TANC2: variants seen among roughly 807,000 people sequenced by gnomAD.
The protein encoded by TANC2 is tetratricopeptide repeat, ankyrin repeat and coiled-coil containing 2, also known as protein TANC2.
In TANC2, 26 loss-of-function variants were observed where a neutral mutation model predicts 210.5. The observed-to-expected ratio is 0.12, with a 90% CI of 0.09 to 0.17. The LOEUF is 0.17. Among genes scored for constraint, TANC2 ranks in the 10% least tolerant of loss-of-function variants. TANC2 has a pLI of 1.00. For missense variants in TANC2, 2,129 were observed against 2,608.9 expected (o/e 0.82, Z 4.01); for synonymous variants, 931 against 967.1 (o/e 0.96, Z 0.69).
At chr17:63,064,428 C>T (rs76192635) in intron 2 of TANC2, among the ~76,000 whole-genome samples, 4,494 of 152,216 alleles carry the variant, frequency 0.03, 83 homozygotes, top group South Asian at 0.037. Context: ...CACTGTATTC[C>T]GTTGTGGGTG....
chr17:63,097,145 A>G (rs982262468), intron 3 of TANC2, among the ~76,000 whole-genome samples: 2 of 151,430 alleles, frequency 1.3e-5, no homozygotes, highest in Non-Finnish European at 2.9e-5. Flanking sequence ...GGCGCAAGTG[A>G]TCCTCCCACT....
At chr17:63,149,434 G>A (rs1279911053) in intron 4 of TANC2, 1 of 151,754 alleles carries the variant, frequency 6.6e-6, no homozygotes, top group African/African-American at 2.4e-5. Context: ...CTGTCTACTA[G>A]CCCTAAATTT....
intron 14 of TANC2, among the ~76,000 whole-genome samples, chr17:63,356,057 G>T (rs1335257868): frequency 2.0e-5 from 3 of 151,974 alleles, no homozygotes; most frequent in Non-Finnish European, 4.4e-5. Context: ...CCAGAATAGG[G>T]ATCACAAGTG....
At chr17:63,374,520 T>C (rs2047368831) in intron 14 of TANC2, among the ~76,000 whole-genome samples, 2 of 152,044 alleles carry the variant, frequency 1.3e-5, no homozygotes, top group South Asian at 4.2e-4. Flanking sequence ...GTGTACCAGG[T>C]ACAACAGGAA....
At chr17:63,020,985 C>T (rs1272448626) in intron 2 of TANC2, among the ~76,000 whole-genome samples, 2 of 152,122 alleles carry the variant, frequency 1.3e-5, no homozygotes, top group African/African-American at 4.8e-5. Flanking sequence ...AGAACTCCCT[C>T]ATTACCATGG....
chr17:63,288,724 G>T (rs537567236), intron 9 of TANC2, among the ~76,000 whole-genome samples: 1 of 151,780 alleles, frequency 6.6e-6, no homozygotes, highest in East Asian at 1.9e-4. Context: ...TTATCTGTTA[G>T]ATCAATTCAG....
At chr17:63,024,518 T>G (rs1189034552) in intron 2 of TANC2, among the ~76,000 whole-genome samples, 1 of 152,178 alleles carries the variant, frequency 6.6e-6, no homozygotes, top group Non-Finnish European at 1.5e-5. Flanking sequence ...AGCATGGTCT[T>G]TACGACCTGT....
intron 4 of TANC2, among the ~76,000 whole-genome samples, chr17:63,109,448 T>A (rs945334455): frequency 1.3e-5 from 2 of 151,590 alleles, no homozygotes; most frequent in East Asian, 3.9e-4. Context: ...AAACCTTGAA[T>A]GAGATGGAAG....
chr17:63,418,242 A>T lies in TANC2; in HGVS notation c.4168-65A>T. ...AAAAAATGTACAAATAATTTGTTTT[A>T]TTCCCAAGTTGTCTATTTTTTATAT... is the stretch of plus-strand genomic sequence containing the variant. On this transcript the variant is annotated intron_variant, in intron 26 of 27. Transcript: ENST00000689528. This position sits in a 1 kb window ranked among gnomAD's most constrained non-coding sequence, Gnocchi z 4.6. The T allele has an allele frequency of 1.4e-6, 2 of 1,469,890 alleles. No homozygotes were observed. The highest frequency in any genetic ancestry group is 1.9e-6 in the Non-Finnish European group (2 of 1,071,180). 91.1% of individuals were successfully genotyped at this position (1,469,890 alleles called of 1,614,324 possible). A position where few individuals can be genotyped will look rare whatever the true frequency, so the allele number is the denominator to read the frequency against.
At chr17:63,301,923 A>C (rs1179017411) in intron 9 of TANC2, among the ~76,000 whole-genome samples, 1 of 152,194 alleles carries the variant, frequency 6.6e-6, no homozygotes, top group Non-Finnish European at 1.5e-5. Flanking sequence ...TTAGTGCTAT[A>C]AATTTCCCTC....
chr17:63,164,302 C>T (rs971118973), intron 5 of TANC2, among the ~76,000 whole-genome samples: 3 of 151,850 alleles, frequency 2.0e-5, no homozygotes, highest in African/African-American at 7.3e-5. Context: ...GCCTAGCCAG[C>T]ATCAAAATCT....
At chr17:63,007,683 C>G (rs535366594) in intron 1 of TANC2, among the ~76,000 whole-genome samples, 1 of 152,172 alleles carries the variant, frequency 6.6e-6, no homozygotes, top group Admixed American at 6.5e-5. Context: ...TTGGGTAATA[C>G]AGATATCTTA....
intron 7 of TANC2, among the ~76,000 whole-genome samples, chr17:63,221,278 A>T (rs886179338): frequency 6.6e-5 from 10 of 151,930 alleles, no homozygotes; most frequent in East Asian, 5.8e-4. Flanking sequence ...TAAAAAAAAT[A>T]AAAAAATTAG....
chr17:63,164,640 T>C (rs1024064134), intron 5 of TANC2, among the ~76,000 whole-genome samples: 1 of 152,154 alleles, frequency 6.6e-6, no homozygotes, highest in Non-Finnish European at 1.5e-5. Context: ...CCAGGAAAGC[T>C]GGTGGTATAG....
chr17:63,101,400 C>A (rs960173390), intron 4 of TANC2, among the ~76,000 whole-genome samples: 2 of 152,120 alleles, frequency 1.3e-5, no homozygotes, highest in African/African-American at 4.8e-5. Context: ...CTTTCAAGTG[C>A]CTTGTATGTA....
intron 3 of TANC2, among the ~76,000 whole-genome samples, chr17:63,092,286 C>G (rs2037226794): frequency 6.6e-6 from 1 of 152,104 alleles, no homozygotes. Flanking sequence ...TACTTACAAA[C>G]TGCCAAACTG....
intron 5 of TANC2, among the ~76,000 whole-genome samples, chr17:63,185,093 C>G (rs776584863): frequency 1.3e-5 from 2 of 151,876 alleles, no homozygotes; most frequent in Non-Finnish European, 2.9e-5. Flanking sequence ...CTCCCAGGCT[C>G]AAGCCATCCT....
In TANC2 at chr17:63,217,908, C is replaced by T. The variant is rs373634823; in HGVS notation, c.769+16951C>T. On this transcript the variant is annotated intron_variant, in intron 7 of 27. Transcript: ENST00000689528. The stretch of plus-strand genomic sequence containing the variant: ...ATACCAGGAATTGAGGTTGTTTCTA[C>T]ATTCACGAATCAATCAGTGTAGTTA... 2.0e-5 allele frequency among the ~76,000 whole-genome samples: 3 copies of T among 152,110 alleles called. No homozygotes were observed. In the South Asian group the frequency reaches 6.2e-4, roughly 32 times the overall value.
intron 8 of TANC2, among the ~76,000 whole-genome samples, chr17:63,266,772 G>GT (rs536316433): frequency 2.1e-4 from 32 of 151,884 alleles, no homozygotes; most frequent in South Asian, 4.2e-4. Context: ...AATCTTAGGG[G>GT]TTTTTTTTCC....
Sources: gnomAD v4.1 joint callset for allele counts (sites outside exome capture counted in the v4.1 genomes callset) on GRCh38, gnomAD v4.1.1 for gene constraint, Gnocchi (gnomAD v3.1) non-coding constraint, MANE v1.5 for transcripts, NCBI Gene and HGNC (gene_info 2026-07-23, HGNC 2026-07-21) for gene names.